The following SVOPL variants were observed in gnomAD, a reference collection of about 807,000 sequenced individuals.
The protein encoded by SVOPL is putative transporter SVOPL.
SVOPL carries 60 observed loss-of-function variants against 61.0 expected under a neutral mutation model. That is an observed-to-expected ratio of 0.98 (90% CI 0.80 to 1.22). SVOPL has a LOEUF of 1.22. Ranked by LOEUF, SVOPL falls within the 50% of genes most tolerant of loss-of-function variation. The pLI is 0.00. For missense variants in SVOPL, 662 were observed against 643.9 expected, an observed-to-expected ratio of 1.03 and a Z score of -0.30; for synonymous variants, 279 against 250.0, an observed-to-expected ratio of 1.12 and a Z score of -1.09.
intron 13 of SVOPL, among the ~76,000 whole-genome samples, chr7:138,621,854 C>G (rs377020666): frequency 0.029 from 734 of 24,912 alleles, 18 homozygotes; most frequent in African/African-American, 0.064. Flanking sequence ...ATGTATCTAT[C>G]TATCTATCTA....
chr7:138,694,210 G>T (rs1409028303), intron 1 of SVOPL, among the ~76,000 whole-genome samples: 1 of 152,192 alleles, frequency 6.6e-6, no homozygotes, highest in Non-Finnish European at 1.5e-5. Flanking sequence ...CGTATACAAC[G>T]ATATAGGTGG....
chr7:138,632,762 G>A (rs1204340021), intron 9 of SVOPL, among the ~76,000 whole-genome samples: 1 of 151,856 alleles, frequency 6.6e-6, no homozygotes, highest in Non-Finnish European at 1.5e-5. Context: ...GAGGAAAGAG[G>A]AGAGAGAGCT....
chr7:138,642,507 ATAAAT>A (rs1433880059), intron 9 of SVOPL, among the ~76,000 whole-genome samples: 3 of 152,012 alleles, frequency 2.0e-5, no homozygotes, highest in Non-Finnish European at 4.4e-5. Flanking sequence ...GAAAACCCAG[ATAAAT>A]TAAATAATTT....
intron 14 of SVOPL, among the ~76,000 whole-genome samples, chr7:138,619,946 G>A (rs1454898894): frequency 6.6e-6 from 1 of 152,108 alleles, no homozygotes; most frequent in African/African-American, 2.4e-5. Flanking sequence ...AGGAAAGCCT[G>A]CATGCTCAGG....
At chr7:138,634,317 G>A (rs960612608) in intron 9 of SVOPL, among the ~76,000 whole-genome samples, 2 of 151,982 alleles carry the variant, frequency 1.3e-5, no homozygotes, top group African/African-American at 4.8e-5. Flanking sequence ...ACCAGCCTGA[G>A]CAACATAGCA....
chr7:138,624,979 GCATGAGC>G (rs1172010457), intron 13 of SVOPL: 9 of 152,108 alleles, frequency 5.9e-5, no homozygotes, highest in Admixed American at 1.3e-4. Context: ...AGGATTGCAG[GCATGAGC>G]CACTGCGCCC....
At chr7:138,608,612 T>A (rs917731399) in intron 14 of SVOPL, among the ~76,000 whole-genome samples, 1 of 152,130 alleles carries the variant, frequency 6.6e-6, no homozygotes, top group African/African-American at 2.4e-5. Context: ...GCATTCACTC[T>A]GTGAAATGTG....
intron 7 of SVOPL, 83 bp from the exon 8 acceptor site, chr7:138,649,220 A>G: frequency 6.8e-7 from 1 of 1,467,896 alleles, no homozygotes; most frequent in Non-Finnish European, 9.1e-7. Context: ...ATATTTTTAG[A>G]AAGATTAAAA....
At chr7:138,632,395 C>T (rs923005241) in intron 9 of SVOPL, among the ~76,000 whole-genome samples, 1 of 152,224 alleles carries the variant, frequency 6.6e-6, no homozygotes, top group Admixed American at 6.5e-5. Context: ...AATCATGCCA[C>T]TGCACTCCAG....
intron 1 of SVOPL, among the ~76,000 whole-genome samples, chr7:138,696,031 C>T (rs1025432537): frequency 6.6e-6 from 1 of 152,156 alleles, no homozygotes; most frequent in Non-Finnish European, 1.5e-5. Context: ...ATCTGCCCAC[C>T]TTGGCCTCCC....
intron 14 of SVOPL, 36 bp from the exon 15 acceptor site, chr7:138,596,566 C>T: frequency 6.2e-7 from 1 of 1,606,026 alleles, no homozygotes; most frequent in Admixed American, 1.7e-5. Context: ...ATTTATTATG[C>T]TCCAGTTACC....
Position 138,627,239 on chromosome 7 carries a change from C to G in SVOPL, c.1181+111G>C. 4 of 765,414 alleles carry G rather than the reference C, an allele frequency of 5.2e-6. No homozygotes were observed. The South Asian group carries it at 6.9e-5, about 13-fold the overall frequency. The allele number at this position is 765,414 out of a possible 1,614,324, so 47.4% of individuals were successfully genotyped here. On this transcript the variant is annotated intron_variant, in intron 12 of 15. Transcript: ENST00000674285. ...TCTAGTCAAGCAAGCAGCCCATTCT[C>G]TACTCTCCTGGGTGAAAGTGACTTG...
intron 9 of SVOPL, among the ~76,000 whole-genome samples, chr7:138,630,842 C>T (rs1354827123): frequency 6.6e-6 from 1 of 151,398 alleles, no homozygotes; most frequent in African/African-American, 2.4e-5. Context: ...ACTCAGGAGG[C>T]TGAGGCAGGA....
At chr7:138,602,397 T>A (rs995498177) in intron 14 of SVOPL, among the ~76,000 whole-genome samples, 1 of 151,382 alleles carries the variant, frequency 6.6e-6, no homozygotes, top group Non-Finnish European at 1.5e-5. Context: ...ATGAGGGTAA[T>A]CTACATGTAC....
At chr7:138,685,306 C>A (rs1802782809) in intron 1 of SVOPL, among the ~76,000 whole-genome samples, 1 of 152,092 alleles carries the variant, frequency 6.6e-6, no homozygotes, top group South Asian at 2.1e-4. Context: ...AACTGAAGGA[C>A]ACGATGCTAA....
At chr7:138,661,200 G>GA in intron 5 of SVOPL, 3 of 985,364 alleles carry the variant, frequency 3.0e-6, no homozygotes, top group Non-Finnish European at 3.6e-6. Flanking sequence ...CAAGCAAATA[G>GA]AAAAGACAGA....
chr7:138,596,834 G>C (rs753112744), intron 14 of SVOPL: 2 of 1,105,764 alleles, frequency 1.8e-6, no homozygotes, highest in Non-Finnish European at 2.2e-6. Context: ...GGATCTGCCC[G>C]TTTCCCCACC....
intron 15 of SVOPL, among the ~76,000 whole-genome samples, chr7:138,594,926 CTT>C (rs750165408): frequency 3.5e-5 from 5 of 144,396 alleles, no homozygotes; most frequent in Non-Finnish European, 3.0e-5. Flanking sequence ...ATATATATAA[CTT>C]TTTTTTTTTT....
intron 1 of SVOPL, among the ~76,000 whole-genome samples, chr7:138,688,731 G>A (rs954286554): frequency 2.0e-5 from 3 of 152,166 alleles, no homozygotes; most frequent in Admixed American, 6.5e-5. Context: ...AAAACAGTTT[G>A]TCAGTTCCTC....
Sources: gnomAD v4.1 joint callset for allele counts (sites outside exome capture counted in the v4.1 genomes callset) on GRCh38, gnomAD v4.1.1 for gene constraint, MANE v1.5 for transcripts, NCBI Gene and HGNC (gene_info 2026-07-23, HGNC 2026-07-21) for gene names.